Variants in NCAM2 observed in about 807,000 individuals in gnomAD.
The protein encoded by NCAM2 is N-CAM-2.
A neutral mutation model predicts 98.1 loss-of-function variants in NCAM2; 30 were observed. The observed-to-expected ratio is 0.31, with a 90% CI of 0.23 to 0.41. NCAM2 has a LOEUF of 0.41. Ranked by LOEUF, NCAM2 falls within the 10% of genes least tolerant of loss-of-function variation. The probability of loss-of-function intolerance (pLI) is 1.00; values close to 1 mark genes in which losing one functional copy is unlikely to be tolerated. For synonymous variants in NCAM2, 368 were observed against 342.4 expected (o/e 1.07, Z -0.83); for missense variants, 867 against 1,005.8 (o/e 0.86, Z 1.87).
intron 1 of NCAM2, among the ~76,000 whole-genome samples, chr21:21,052,724 A>T (rs1448909208): frequency 3.9e-5 from 6 of 152,140 alleles, no homozygotes; most frequent in African/African-American, 1.4e-4. Flanking sequence ...GACAGATTAG[A>T]AACACTGTAA....
At chr21:21,446,448 T>A (rs1396081334) in intron 12 of NCAM2, among the ~76,000 whole-genome samples, 1 of 152,052 alleles carries the variant, frequency 6.6e-6, no homozygotes, top group African/African-American at 2.4e-5. Flanking sequence ...CCATTCTCCC[T>A]ATCTTCTTCA....
At chr21:21,420,170 T>C (rs909574525) in intron 11 of NCAM2, among the ~76,000 whole-genome samples, 2 of 152,142 alleles carry the variant, frequency 1.3e-5, no homozygotes, top group Non-Finnish European at 2.9e-5. Flanking sequence ...AGAGCTATCT[T>C]ACTTCTGAAG....
At chr21:21,182,786 G>T (rs767823147) in intron 1 of NCAM2, among the ~76,000 whole-genome samples, 1 of 152,102 alleles carries the variant, frequency 6.6e-6, no homozygotes, top group African/African-American at 2.4e-5. Context: ...TTTTAACAGA[G>T]ATCAGCACTT....
chr21:21,002,634 C>CT (rs35037989), intron 1 of NCAM2, among the ~76,000 whole-genome samples: 1 of 152,124 alleles, frequency 6.6e-6, no homozygotes, highest in South Asian at 2.1e-4. Flanking sequence ...TAACTTATCT[C>CT]TTTTCAGGGT....
At chr21:21,036,553 A>G (rs1400079077) in intron 1 of NCAM2, among the ~76,000 whole-genome samples, 1 of 152,238 alleles carries the variant, frequency 6.6e-6, no homozygotes, top group Non-Finnish European at 1.5e-5. Flanking sequence ...CAGAAGTCAT[A>G]TGAAATATGA....
chr21:21,388,729 T>G (rs556976100), intron 9 of NCAM2, among the ~76,000 whole-genome samples: 1 of 152,306 alleles, frequency 6.6e-6, no homozygotes, highest in Admixed American at 6.5e-5. Context: ...TTGGAACAAA[T>G]TGAGTATGTG....
Position 21,284,245 on chromosome 21 carries a change from T to C in NCAM2, c.182T>C (p.Ile61Thr). 6.2e-7 allele frequency: 1 copy of C among 1,612,714 alleles called. No homozygotes were observed. Among genetic ancestry groups the C allele is most frequent in the Non-Finnish European group, 8.5e-7 (1 of 1,179,002 alleles). The part of the protein sequence containing the change: ...IDWYNPQGEK[I>T]ISTQRVVVQK... ...TGGTATAATCCTCAAGGAGAGAAGA[T>C]AATTTCAACACAGAGGGTAGTAGTG... Residue 61 changes from isoleucine (I) to threonine (T), a missense_variant, in exon 3 of 18, where the codon ATA becomes ACA. By Grantham distance (89) the Ile-to-Thr change is moderately conservative. Around this residue, in one of 5 missense-constraint regions of NCAM2, gnomAD observed 447 missense variants for 495.7 expected, o/e 0.90. Transcript: ENST00000400546.
At chr21:21,401,824 C>A (rs1458950782) in intron 9 of NCAM2, among the ~76,000 whole-genome samples, 1 of 152,104 alleles carries the variant, frequency 6.6e-6, no homozygotes, top group East Asian at 1.9e-4. Context: ...AGTAGGATAA[C>A]TGGATAATAT....
intron 1 of NCAM2, among the ~76,000 whole-genome samples, chr21:21,011,990 G>A (rs2064220888): frequency 6.6e-6 from 1 of 152,044 alleles, no homozygotes; most frequent in Admixed American, 6.5e-5. Flanking sequence ...TAATGTTGGT[G>A]AGGAGAACAG....
intron 15 of NCAM2, among the ~76,000 whole-genome samples, chr21:21,486,060 T>C (rs1186609619): frequency 2.0e-5 from 3 of 151,952 alleles, no homozygotes; most frequent in Non-Finnish European, 4.4e-5. Flanking sequence ...TCCTAGCACT[T>C]TGGGAGGCCG....
intron 1 of NCAM2, among the ~76,000 whole-genome samples, chr21:21,190,395 C>A (rs1233136226): frequency 3.3e-5 from 5 of 152,182 alleles, no homozygotes; most frequent in African/African-American, 9.7e-5. Flanking sequence ...TCTACCCACC[C>A]ATCTTCAATG....
chr21:21,158,502 T>G (rs1039464222), intron 1 of NCAM2, among the ~76,000 whole-genome samples: 2 of 151,958 alleles, frequency 1.3e-5, no homozygotes, highest in Non-Finnish European at 2.9e-5. Flanking sequence ...TCCCAGCTAC[T>G]TGGGAGGCAG....
intron 1 of NCAM2, among the ~76,000 whole-genome samples, chr21:21,272,803 A>G (rs2072568310): frequency 6.6e-6 from 1 of 152,138 alleles, no homozygotes; most frequent in Non-Finnish European, 1.5e-5. Flanking sequence ...GGAATAAGGT[A>G]AGACAGAAAG....
At chr21:21,412,646 C>T (rs942674824) in intron 10 of NCAM2, among the ~76,000 whole-genome samples, 27 of 152,274 alleles carry the variant, frequency 1.8e-4, no homozygotes, top group Middle Eastern at 3.4e-3. Context: ...AAAAAACCCA[C>T]AATTTTTGCC....
chr21:21,511,418 C>T (rs1356162124), intron 16 of NCAM2, among the ~76,000 whole-genome samples: 2 of 151,906 alleles, frequency 1.3e-5, no homozygotes, highest in African/African-American at 4.8e-5. Flanking sequence ...TTTCACTTAA[C>T]ATAATTTTCT....
intron 1 of NCAM2, among the ~76,000 whole-genome samples, chr21:21,170,422 T>C (rs1176418016): frequency 2.6e-5 from 4 of 152,174 alleles, no homozygotes; most frequent in Admixed American, 6.5e-5. Context: ...TAATGAAAAG[T>C]CATGGAGGAA....
chr21:21,477,414 T>C lies in NCAM2; in HGVS notation c.2020T>C (p.Tyr674His). The part of the protein sequence containing the change: ...VQITAANRLG[Y>H]SEPTVYEFSM... The stretch of plus-strand genomic sequence containing the variant: ...GATTACAGCTGCCAATAGATTGGGA[T>C]ATTCTGAACCGACAGTTTATGAATT... The change falls in exon 15 of 18, where the codon TAT becomes CAT. Residue 674 changes from tyrosine (Y) to histidine (H), a missense_variant. Tyr to His is a moderately conservative substitution (Grantham distance 83, BLOSUM62 2). This residue lies in a region of NCAM2 where 234 missense variants were observed against 333.8 expected (regional missense o/e 0.70). Transcript: ENST00000400546. 1 of 1,610,268 alleles carries C rather than the reference T, an allele frequency of 6.2e-7. No homozygotes were observed. Among genetic ancestry groups the C allele is most frequent in the Non-Finnish European group, 8.5e-7 (1 of 1,177,418 alleles).
intron 1 of NCAM2, among the ~76,000 whole-genome samples, chr21:21,007,060 C>G (rs993492130): frequency 7.9e-5 from 12 of 152,142 alleles, no homozygotes; most frequent in African/African-American, 2.9e-4. Context: ...ATATTTTTTA[C>G]TGCACAAGTT....
intron 1 of NCAM2, among the ~76,000 whole-genome samples, chr21:21,009,999 G>A (rs2064179808): frequency 6.7e-6 from 1 of 149,614 alleles, no homozygotes; most frequent in Admixed American, 6.7e-5. Flanking sequence ...TACATTTTTG[G>A]ATACCCCAGA....
Sources: gnomAD v4.1 joint callset for allele counts (sites outside exome capture counted in the v4.1 genomes callset) on GRCh38, gnomAD v4.1.1 for gene constraint, gnomAD v4.1.1 regional missense constraint, MANE v1.5 for transcripts, NCBI Gene and HGNC (gene_info 2026-07-23, HGNC 2026-07-21) for gene names.